NSMCE1: variants seen among roughly 807,000 people sequenced by gnomAD.
The protein encoded by NSMCE1 is NSE1 component of SMC5/6 complex.
NSMCE1 carries 18 observed loss-of-function variants against 29.6 expected under a neutral mutation model. That is an observed-to-expected ratio of 0.61 (90% CI 0.42 to 0.90). The LOEUF is 0.90. Among genes scored for constraint, NSMCE1 ranks in the 40% least tolerant of loss-of-function variants. The pLI is 0.00. For missense variants in NSMCE1, 314 were observed against 343.6 expected (o/e 0.91, Z 0.68); for synonymous variants, 124 against 133.4 (o/e 0.93, Z 0.49).
intron 1 of NSMCE1, among the ~76,000 whole-genome samples, chr16:27,261,913 G>GT (rs1312405848): frequency 2.6e-5 from 4 of 152,196 alleles, no homozygotes; most frequent in African/African-American, 9.7e-5. Context: ...ATCAATCAAT[G>GT]TGAGTCACCA....
chr16:27,239,832 C>G (rs577025373), intron 2 of NSMCE1, among the ~76,000 whole-genome samples: 2 of 152,310 alleles, frequency 1.3e-5, no homozygotes, highest in African/African-American at 2.4e-5. Context: ...ACAGTGCTAT[C>G]TGTGTTCTCT....
intron 2 of NSMCE1, among the ~76,000 whole-genome samples, chr16:27,256,270 A>T (rs1303070434): frequency 2.6e-5 from 4 of 152,220 alleles, no homozygotes; most frequent in Admixed American, 2.0e-4. Flanking sequence ...GGTGACAACC[A>T]GTAGACTACA....
At chr16:27,266,228 A>G (rs2084223296) in intron 1 of NSMCE1, 1 of 152,396 alleles carries the variant, frequency 6.6e-6, no homozygotes, top group African/African-American at 2.4e-5. Flanking sequence ...CAACAACAAA[A>G]TAATGTGAAT....
chr16:27,258,409 C>T (rs1310234980), intron 1 of NSMCE1, among the ~76,000 whole-genome samples: 1 of 152,234 alleles, frequency 6.6e-6, no homozygotes, highest in East Asian at 1.9e-4. Context: ...TAAGGATTTC[C>T]TAATGTGCAT....
At chr16:27,245,475 G>A (rs2083945650) in intron 2 of NSMCE1, among the ~76,000 whole-genome samples, 1 of 152,218 alleles carries the variant, frequency 6.6e-6, no homozygotes, top group Non-Finnish European at 1.5e-5. Context: ...TCCTGGCTCA[G>A]CAACTCCATG....
At chr16:27,241,918 T>C (rs1327112096) in intron 2 of NSMCE1, 1 of 432,554 alleles carries the variant, frequency 2.3e-6, no homozygotes, top group East Asian at 7.2e-5. Flanking sequence ...CGACAAAGTC[T>C]AGACCAGAAA....
chr16:27,238,032 C>T (rs1388496858), intron 2 of NSMCE1, among the ~76,000 whole-genome samples: 1 of 152,172 alleles, frequency 6.6e-6, no homozygotes, highest in Non-Finnish European at 1.5e-5. Context: ...CTCACGGAGG[C>T]CCCGCGCCCT....
chr16:27,230,858 GCA>G (rs2083755289), intron 5 of NSMCE1: 1 of 152,404 alleles, frequency 6.6e-6, no homozygotes, highest in African/African-American at 2.4e-5. Flanking sequence ...ACTGAGAAAG[GCA>G]CAGAGTACAA....
At chr16:27,259,432 T>G (rs916683320) in intron 1 of NSMCE1, among the ~76,000 whole-genome samples, 1 of 152,118 alleles carries the variant, frequency 6.6e-6, no homozygotes, top group Admixed American at 6.6e-5. Flanking sequence ...GGGCACAGGG[T>G]TAGAATGTGC....
chr16:27,255,006 A>G (rs571019571), intron 2 of NSMCE1, among the ~76,000 whole-genome samples: 1 of 150,926 alleles, frequency 6.6e-6, no homozygotes, highest in African/African-American at 2.4e-5. Context: ...CAGCCTCCCA[A>G]GTAGCTGGGA....
At chr16:27,233,500 C>T (rs76981593) in intron 4 of NSMCE1, among the ~76,000 whole-genome samples, 2,382 of 152,218 alleles carry the variant, frequency 0.016, 60 homozygotes, top group African/African-American at 0.053. Context: ...GGTGTGTGCT[C>T]AGCTCAGCAC....
chr16:27,226,669 C>G, intron 6 of NSMCE1, 51 bp downstream of exon 6: 1 of 1,215,250 alleles, frequency 8.2e-7, no homozygotes. Context: ...GTACAGAGCC[C>G]CGGGAGCCGA....
intron 5 of NSMCE1, 101 bp from the exon 6 acceptor site, chr16:27,226,937 A>ACAAGGGTCTACGCAGCTTTTCAC (rs1490593600): frequency 4.7e-5 from 36 of 766,164 alleles, no homozygotes; most frequent in Non-Finnish European, 7.7e-5. Flanking sequence ...TCAGGAAGAC[A>ACAAGGGTCTACGCAGCTTTTCAC]CAAGGGTCTA....
In NSMCE1 at chr16:27,232,904, C is replaced by G; in HGVS notation, c.483+97G>C. Reference sequence around the variant, plus strand: ...AGATAAGGGATCCGAGAAGGCCGGGCTCCTCAGACATCAGTTGGCTACAAG... The same window carrying G: ...AGATAAGGGATCCGAGAAGGCCGGGGTCCTCAGACATCAGTTGGCTACAAG... On this transcript the variant is annotated intron_variant, in intron 5 of 7. Coordinates refer to ENST00000361439, the MANE Select transcript of NSMCE1 (RefSeq NM_145080.4). This position sits in a 1 kb window ranked among gnomAD's most constrained non-coding sequence, Gnocchi z 4.5. The G allele has an allele frequency of 7.8e-7, 1 of 1,287,012 alleles. No homozygotes were observed. Among genetic ancestry groups the G allele is most frequent in the Non-Finnish European group, 1.1e-6 (1 of 910,390 alleles). The allele number at this position is 1,287,012 out of a possible 1,614,324, so 79.7% of individuals were successfully genotyped here.
At chr16:27,229,556 A>G (rs1042565718) in intron 5 of NSMCE1, among the ~76,000 whole-genome samples, 1 of 152,208 alleles carries the variant, frequency 6.6e-6, no homozygotes, top group Non-Finnish European at 1.5e-5. Flanking sequence ...GCTCAGACTG[A>G]GGCAGGAGCT....
chr16:27,255,193 T>C (rs2084074002), intron 2 of NSMCE1, among the ~76,000 whole-genome samples: 1 of 152,162 alleles, frequency 6.6e-6, no homozygotes, highest in Admixed American at 6.5e-5. Context: ...ACTATGCTTT[T>C]TAAAGAGCAA....
rs2083671764 is a variant in NSMCE1, at chr16:27,225,050, G to C, written c.*107C>G. On this transcript the variant is annotated 3_prime_UTR_variant, in exon 8 of 8. Transcript: ENST00000361439. ...AGCTGTGGACGGTGAACATTAAGAC[G>C]AAAGAGGTGACTCGCGTGGAACCTG... 2.9e-6 allele frequency: 2 copies of C among 683,896 alleles called. No individual in the cohort carries two copies. Among genetic ancestry groups the C allele is most frequent in the Admixed American group, 4.6e-5 (2 of 43,824 alleles). The allele number at this position is 683,896 out of a possible 1,614,324, so 42.4% of individuals were successfully genotyped here.
intron 2 of NSMCE1, among the ~76,000 whole-genome samples, chr16:27,235,608 A>G (rs1281898237): frequency 6.6e-6 from 1 of 152,084 alleles, no homozygotes; most frequent in Non-Finnish European, 1.5e-5. Context: ...AGTCCCAATC[A>G]GCACCTTCAG....
Position 27,233,070 on chromosome 16 carries a change from G to C in NSMCE1, c.414C>G (p.Gly138=). Residue 138 remains glycine (G), a synonymous_variant, in exon 5 of 8, where the codon GGC becomes GGG. Coordinates refer to ENST00000361439, the MANE Select transcript of NSMCE1 (RefSeq NM_145080.4). ...CCGCTTCCTTCTTCCTCATCTTCTT[G>C]CCTTTAAGTTGATCAACCAGGTTCA... The part of the protein sequence containing the change: ...NILNLVDQLK[G]KKMRKKEAEQ... 1 of 1,613,964 alleles carries C rather than the reference G, an allele frequency of 6.2e-7. No homozygotes were observed. The highest frequency in any genetic ancestry group is 8.5e-7 in the Non-Finnish European group (1 of 1,179,898).
Sources: allele counts gnomAD v4.1 joint callset (sites outside exome capture counted in the v4.1 genomes callset), GRCh38; gene constraint gnomAD v4.1.1; non-coding constraint Gnocchi (gnomAD v3.1); transcripts MANE v1.5; gene names NCBI Gene and HGNC (gene_info 2026-07-23, HGNC 2026-07-21).